Variants in GCH1 observed in about 807,000 individuals in gnomAD.
GCH1 encodes GTP cyclohydrolase I.
In GCH1, 5 loss-of-function variants were observed where a neutral mutation model predicts 25.9. The observed-to-expected ratio is 0.19, with a 90% confidence interval of 0.10 to 0.41. The LOEUF (loss-of-function observed/expected upper bound fraction) is 0.41. GCH1 is among the 10% of genes least tolerant of loss of function. The pLI is 1.00. For missense variants in GCH1, 261 were observed against 336.5 expected (o/e 0.78, Z 1.75); for synonymous variants, 159 against 129.6 (o/e 1.23, Z -1.54).
intron 1 of GCH1, among the ~76,000 whole-genome samples, chr14:54,900,506 C>T (rs904911118): frequency 1.1e-4 from 16 of 152,190 alleles, no homozygotes; most frequent in Non-Finnish European, 2.2e-4. Flanking sequence ...GCACCGAGCT[C>T]GGCCAACCAG....
chr14:54,902,807 G>T lies in GCH1; in HGVS notation c.-144C>A, dbSNP rs185737777. 4.6e-6 allele frequency: 5 copies of T among 1,090,608 alleles called. No homozygotes were observed. In the African/African-American group the frequency reaches 6.6e-5, roughly 14 times the overall value. The allele number at this position is 1,090,608 out of a possible 1,614,324, so 67.6% of individuals were successfully genotyped here. A position where few individuals can be genotyped will look rare whatever the true frequency, so the allele number is the denominator to read the frequency against. On this transcript the variant is annotated 5_prime_UTR_variant, in exon 1 of 6. Coordinates refer to ENST00000491895, the MANE Select transcript of GCH1 (RefSeq NM_000161.3). ...GCAACCTGCTTAGATCACACTCCGA[G>T]CCGGGAGCGGCCACAGGCTGGAAAG...
chr14:54,846,287 T>G (rs191189385), intron 4 of GCH1, among the ~76,000 whole-genome samples: 1 of 152,338 alleles, frequency 6.6e-6, no homozygotes, highest in Admixed American at 6.5e-5. Context: ...CAATTTAACC[T>G]AAATAATATA....
chr14:54,850,264 G>A (rs963432524), intron 3 of GCH1, among the ~76,000 whole-genome samples: 3 of 150,022 alleles, frequency 2.0e-5, no homozygotes, highest in African/African-American at 4.9e-5. Context: ...GAGCCACCAC[G>A]CCCGATCTCC....
chr14:54,851,698 G>A (rs1286791370), intron 3 of GCH1, among the ~76,000 whole-genome samples: 1 of 152,114 alleles, frequency 6.6e-6, no homozygotes, highest in Non-Finnish European at 1.5e-5. Context: ...AGTTAGAATG[G>A]CAATCATTAA....
At chr14:54,875,419 A>G (rs1373001672) in intron 1 of GCH1, among the ~76,000 whole-genome samples, 4 of 152,230 alleles carry the variant, frequency 2.6e-5, no homozygotes, top group Non-Finnish European at 1.5e-5. Context: ...ATGGGCAAGG[A>G]CTTCATGTCT....
chr14:54,883,332 G>T (rs905354064), intron 1 of GCH1, among the ~76,000 whole-genome samples: 1 of 140,338 alleles, frequency 7.1e-6, no homozygotes, highest in East Asian at 2.1e-4. Context: ...AGATTGCGCC[G>T]CTGCGCTCTA....
intron 2 of GCH1, among the ~76,000 whole-genome samples, chr14:54,862,542 T>C (rs1433931480): frequency 6.6e-6 from 1 of 150,874 alleles, no homozygotes; most frequent in Non-Finnish European, 1.5e-5. Flanking sequence ...GCCACCATGC[T>C]AGCTAATTTT....
chr14:54,847,684 C>G (rs41298434), intron 3 of GCH1, among the ~76,000 whole-genome samples: 1 of 144,760 alleles, frequency 6.9e-6, no homozygotes, highest in Non-Finnish European at 1.5e-5. Context: ...ATATATATAT[C>G]TCCTATTAGT....
intron 1 of GCH1, among the ~76,000 whole-genome samples, chr14:54,875,825 A>G (rs1214412552): frequency 6.6e-6 from 1 of 152,238 alleles, no homozygotes; most frequent in Non-Finnish European, 1.5e-5. Flanking sequence ...TAGAATGGCG[A>G]TCATTAAAAA....
At chr14:54,884,072 C>T (rs187796445) in intron 1 of GCH1, among the ~76,000 whole-genome samples, 115 of 152,294 alleles carry the variant, frequency 7.6e-4, no homozygotes, top group Non-Finnish European at 1.0e-3. Context: ...TAGGGTAATA[C>T]AATAAAGTTT....
In GCH1 at chr14:54,843,317, G is replaced by GTCTA; in HGVS notation, c.*696_*699dup. On this transcript the variant is annotated 3_prime_UTR_variant, in exon 6 of 6. Transcript: ENST00000491895. ...CTTATCAAGGCACAGAGAGTTAAAT[G>GTCTA]TCTAAATCCCTGTATGTTGACACGA... 7.6e-7 allele frequency: 1 copy of GTCTA among 1,321,278 alleles called. No homozygotes were observed. Among genetic ancestry groups the GTCTA allele is most frequent in the Non-Finnish European group, 9.6e-7 (1 of 1,038,984 alleles). 81.8% of individuals were successfully genotyped at this position (1,321,278 alleles called of 1,614,324 possible). A position where few individuals can be genotyped will look rare whatever the true frequency, so the allele number is the denominator to read the frequency against.
chr14:54,878,495 G>C (rs1292733802), intron 1 of GCH1, among the ~76,000 whole-genome samples: 2 of 152,154 alleles, frequency 1.3e-5, no homozygotes, highest in African/African-American at 4.8e-5. Context: ...TCCTGATTTG[G>C]TGGAGAATGG....
chr14:54,902,801 C>G lies in GCH1; in HGVS notation c.-138G>C. 1 of 1,148,678 alleles carries G rather than the reference C, an allele frequency of 8.7e-7. No individual in the cohort carries two copies. Among genetic ancestry groups the G allele is most frequent in the Non-Finnish European group, 1.1e-6 (1 of 900,900 alleles). The allele number at this position is 1,148,678 out of a possible 1,614,324, so 71.2% of individuals were successfully genotyped here. ...AGGTACGCAACCTGCTTAGATCACA[C>G]TCCGAGCCGGGAGCGGCCACAGGCT... On this transcript the variant is annotated 5_prime_UTR_variant, in exon 1 of 6. Coordinates refer to ENST00000491895, the MANE Select transcript of GCH1 (RefSeq NM_000161.3).
At chr14:54,902,145 G>A (rs892559141) in intron 1 of GCH1, among the ~76,000 whole-genome samples, 176 bp downstream of exon 1, 2 of 152,190 alleles carry the variant, frequency 1.3e-5, no homozygotes, top group African/African-American at 4.8e-5. Flanking sequence ...AGCCCCGACT[G>A]TGCCCCACGC....
chr14:54,889,672 G>A (rs1278863945), intron 1 of GCH1, among the ~76,000 whole-genome samples: 1 of 152,094 alleles, frequency 6.6e-6, no homozygotes, highest in East Asian at 1.9e-4. Context: ...CCTCCCCATG[G>A]TTGCCAACCA....
At position 54,902,540 on chromosome 14, in the gene GCH1, G is replaced by A. The variant is rs1197458063; in HGVS notation, c.124C>T (p.Pro42Ser). 6.4e-7 allele frequency: 1 copy of A among 1,551,510 alleles called. No homozygotes were observed. Among genetic ancestry groups the A allele is most frequent in the South Asian group, 1.2e-5 (1 of 83,956 alleles). ...PSRPAEKPPRPEAKSAQPADG... is the reference protein window; with the variant it reads ...PSRPAEKPPRSEAKSAQPADG... Reference sequence around the variant, plus strand: ...GCGGGCTGCGCGCTCTTGGCCTCGGGCCGCGGGGGCTTCTCCGCCGGCCTG... The same window carrying A: ...GCGGGCTGCGCGCTCTTGGCCTCGGACCGCGGGGGCTTCTCCGCCGGCCTG... The change falls in exon 1 of 6, where the codon CCC becomes TCC. Residue 42 changes from proline (P) to serine (S), a missense_variant. Around this residue, in one of 3 missense-constraint regions of GCH1, gnomAD observed 125 missense variants for 128.7 expected, o/e 0.97. Transcript: ENST00000491895.
intron 1 of GCH1, chr14:54,885,208 A>C: frequency 5.0e-6 from 1 of 200,422 alleles, no homozygotes; most frequent in African/African-American, 2.4e-5. Context: ...TCTTCCTGTC[A>C]TTGGCCCATT....
At chr14:54,901,994 G>A (rs926980461) in intron 1 of GCH1, among the ~76,000 whole-genome samples, 1 of 152,202 alleles carries the variant, frequency 6.6e-6, no homozygotes, top group African/African-American at 2.4e-5. Flanking sequence ...ATCCCGCGCT[G>A]GGCGCTCAGG....
chr14:54,866,105 C>T (rs61977037), intron 1 of GCH1, among the ~76,000 whole-genome samples: 2,438 of 149,024 alleles, frequency 0.016, 28 homozygotes, highest in Non-Finnish European at 0.025. Context: ...GCCAGACATA[C>T]AATAGACATT....
Sources: gnomAD v4.1 joint callset for allele counts (sites outside exome capture counted in the v4.1 genomes callset) on GRCh38, gnomAD v4.1.1 for gene constraint, gnomAD v4.1.1 regional missense constraint, MANE v1.5 for transcripts, NCBI Gene and HGNC (gene_info 2026-07-23, HGNC 2026-07-21) for gene names.